Variants in TRPM6 observed in about 807,000 individuals in gnomAD.
TRPM6 encodes transient receptor potential cation channel subfamily M member 6.
TRPM6 carries 111 observed loss-of-function variants against 247.6 expected under a neutral mutation model. The ratio of observed to expected loss-of-function variants is 0.45; its 90% CI spans 0.38 to 0.52. TRPM6 has a LOEUF of 0.52. Among genes scored for constraint, TRPM6 ranks in the 20% least tolerant of loss-of-function variants. The pLI is 0.00. For missense variants in TRPM6, 2,126 were observed against 2,421.5 expected, an observed-to-expected ratio of 0.88 and a Z score of 2.56; for synonymous variants, 892 against 853.8, an observed-to-expected ratio of 1.04 and a Z score of -0.78.
At chr9:74,761,388 T>A (rs185712135) in intron 27 of TRPM6, among the ~76,000 whole-genome samples, 2 of 152,288 alleles carry the variant, frequency 1.3e-5, no homozygotes, top group Non-Finnish European at 2.9e-5. Flanking sequence ...AGCAGATAAG[T>A]AAATTGCAGT....
At chr9:74,753,707 CAG>C (rs1457708521) in intron 28 of TRPM6, among the ~76,000 whole-genome samples, 1 of 152,092 alleles carries the variant, frequency 6.6e-6, no homozygotes, top group Non-Finnish European at 1.5e-5. Flanking sequence ...AAAATAAAAA[CAG>C]AGAGAGAGAA....
chr9:74,823,744 C>T (rs576692979), intron 7 of TRPM6, among the ~76,000 whole-genome samples: 33 of 152,188 alleles, frequency 2.2e-4, no homozygotes, highest in African/African-American at 7.7e-4. Context: ...AATAAAAACA[C>T]TTGTAAGTGA....
At chr9:74,792,495 A>G in intron 19 of TRPM6, 129 bp downstream of exon 19, 2 of 992,538 alleles carry the variant, frequency 2.0e-6, no homozygotes, top group Non-Finnish European at 3.1e-6. Context: ...CTACTTTGTC[A>G]TGCCCTCACT....
At chr9:74,836,424 T>A (rs1207936061) in intron 5 of TRPM6, among the ~76,000 whole-genome samples, 1 of 152,136 alleles carries the variant, frequency 6.6e-6, no homozygotes, top group African/African-American at 2.4e-5. Flanking sequence ...CCCTTCCAAC[T>A]CATTTTCTGA....
At chr9:74,785,336 T>C (rs1827605955) in intron 21 of TRPM6, among the ~76,000 whole-genome samples, 1 of 152,110 alleles carries the variant, frequency 6.6e-6, no homozygotes, top group African/African-American at 2.4e-5. Context: ...TTAATAATAA[T>C]TAAATGTACA....
At chr9:74,886,513 CT>C (rs559658032) in intron 1 of TRPM6, among the ~76,000 whole-genome samples, 5,700 of 145,686 alleles carry the variant, frequency 0.039, 254 homozygotes, top group African/African-American at 0.12. Context: ...CTTTTTTTCT[CT>C]TTTTTTTTTT....
chr9:74,767,217 G>A (rs1826858080), intron 25 of TRPM6, among the ~76,000 whole-genome samples: 1 of 152,102 alleles, frequency 6.6e-6, no homozygotes, highest in Admixed American at 6.5e-5. Flanking sequence ...TGCACATTAT[G>A]TTAAATATTT....
intron 1 of TRPM6, among the ~76,000 whole-genome samples, chr9:74,860,709 A>G (rs1047884254): frequency 1.3e-5 from 2 of 152,154 alleles, no homozygotes; most frequent in African/African-American, 4.8e-5. Context: ...TTCAAAATCT[A>G]TATTTCAATA....
chr9:74,759,834 G>A (rs1433981066), intron 27 of TRPM6, among the ~76,000 whole-genome samples: 1 of 151,950 alleles, frequency 6.6e-6, no homozygotes, highest in Admixed American at 6.6e-5. Context: ...GCAAACCACT[G>A]AGACAAAATA....
Position 74,812,407 on chromosome 9 carries a change from T to G in TRPM6, c.1335A>C (p.Ser445=). ...WKPDALEQAM[S]DALVMDRVDF... is the part of the protein sequence containing the mutation. Reference sequence around the variant, plus strand: ...CCACCCGATCCATCACTAAAGCATCTGACATTGCTTGTTCCAGGGCATCAG... The same window carrying G: ...CCACCCGATCCATCACTAAAGCATCGGACATTGCTTGTTCCAGGGCATCAG... The change falls in exon 12 of 39, where the codon TCA becomes TCC. Residue 445 remains serine (S), a synonymous_variant. Transcript: ENST00000360774. The G allele has an allele frequency of 6.2e-7, 1 of 1,614,040 alleles. No homozygotes were observed. Among genetic ancestry groups the G allele is most frequent in the Non-Finnish European group, 8.5e-7 (1 of 1,179,960 alleles).
At chr9:74,768,423 C>T (rs1249056704) in intron 25 of TRPM6, among the ~76,000 whole-genome samples, 2 of 152,208 alleles carry the variant, frequency 1.3e-5, no homozygotes, top group Non-Finnish European at 2.9e-5. Flanking sequence ...TTCAAATGCT[C>T]CCCGGGGGCT....
At chr9:74,756,181 G>A (rs2118815194) in intron 27 of TRPM6, among the ~76,000 whole-genome samples, 1 of 152,196 alleles carries the variant, frequency 6.6e-6, no homozygotes, top group African/African-American at 2.4e-5. Flanking sequence ...CATATTTCTT[G>A]GGATTCCAGA....
intron 23 of TRPM6, among the ~76,000 whole-genome samples, chr9:74,781,863 C>A (rs147210761): frequency 1.1e-3 from 161 of 152,274 alleles, no homozygotes; most frequent in African/African-American, 3.7e-3. Flanking sequence ...TCTGTGGATT[C>A]AAATAACCAC....
chr9:74,886,829 C>T (rs1366450794), intron 1 of TRPM6, among the ~76,000 whole-genome samples: 1 of 152,140 alleles, frequency 6.6e-6, no homozygotes, highest in Non-Finnish European at 1.5e-5. Context: ...GTTAACTCGC[C>T]CAAAATCACA....
intron 1 of TRPM6, among the ~76,000 whole-genome samples, chr9:74,863,878 G>GC (rs759988025): frequency 7.2e-6 from 1 of 139,576 alleles, no homozygotes; most frequent in Non-Finnish European, 1.6e-5. Flanking sequence ...GAGCCACCGC[G>GC]CCCGGCAACC....
chr9:74,744,266 G>A (rs77526330), intron 31 of TRPM6, 121 bp from the exon 32 acceptor site: 29 of 1,080,446 alleles, frequency 2.7e-5, no homozygotes, highest in Middle Eastern at 2.4e-4. Context: ...CTCAGTATTC[G>A]AAAAAGCTTG....
rs1186115195 is a variant in TRPM6, at chr9:74,827,951, TGA to T, written c.670-4_670-3del. ...CAGAGTCTGGTACAGGCACACCACC[TGA>T]GAGACAGCAAGGACAAGGGAGGGTC... On this transcript the variant is annotated splice_polypyrimidine_tract_variant and splice_region_variant and intron_variant, in intron 6 of 38. Coordinates refer to ENST00000360774, the MANE Select transcript of TRPM6 (RefSeq NM_017662.5). 1.2e-6 allele frequency: 2 copies of T among 1,613,850 alleles called. No homozygotes were observed. The highest frequency in any genetic ancestry group is 8.5e-7 in the Non-Finnish European group (1 of 1,179,812).
intron 38 of TRPM6, among the ~76,000 whole-genome samples, chr9:74,726,834 T>A (rs1189872605): frequency 4.6e-5 from 7 of 152,084 alleles, no homozygotes; most frequent in African/African-American, 1.4e-4. Flanking sequence ...TACCTGGAGG[T>A]CCTGATGACT....
intron 25 of TRPM6, among the ~76,000 whole-genome samples, chr9:74,770,110 C>T (rs998012369): frequency 6.6e-6 from 1 of 152,048 alleles, no homozygotes; most frequent in African/African-American, 2.4e-5. Context: ...ATCTGAAATT[C>T]AATCAGGCAC....
Sources: gnomAD v4.1 joint callset for allele counts (sites outside exome capture counted in the v4.1 genomes callset) on GRCh38, gnomAD v4.1.1 for gene constraint, MANE v1.5 for transcripts, NCBI Gene and HGNC (gene_info 2026-07-23, HGNC 2026-07-21) for gene names.